Variants in ACSL5 observed in about 807,000 individuals in gnomAD.
The protein encoded by ACSL5 is acyl-CoA synthetase long chain family member 5, also known as long-chain-fatty-acid--CoA ligase 5.
In ACSL5, 50 loss-of-function variants were observed where a neutral mutation model predicts 84.9. The ratio of observed to expected loss-of-function variants is 0.59; its 90% CI spans 0.47 to 0.75. ACSL5 has a LOEUF of 0.75. ACSL5 is among the 30% of genes least tolerant of loss of function. The probability of loss-of-function intolerance (pLI) is 0.00; values close to 1 mark genes in which losing one functional copy is unlikely to be tolerated. For missense variants in ACSL5, 775 were observed against 830.4 expected (o/e 0.93, Z 0.82); for synonymous variants, 280 against 300.7 (o/e 0.93, Z 0.71).
chr10:112,427,278 A>C lies in ACSL5; in HGVS notation c.1972A>C (p.Thr658Pro), dbSNP rs1485352951. The change falls in exon 21 of 21, where the codon ACA becomes CCA. Residue 658 changes from threonine (T) to proline (P), a missense_variant. Transcript: ENST00000354655. ...FSIENGLLTP[T>P]LKAKRGELSK... ...CATTGAAAATGGGCTCTTGACACCA[A>C]CATTGAAAGCAAAGCGAGGAGAGCT... The C allele has an allele frequency of 1.2e-5, 19 of 1,613,766 alleles. No homozygotes were observed. The highest frequency in any genetic ancestry group is 1.5e-5 in the Non-Finnish European group (18 of 1,179,932).
chr10:112,392,740 C>A (rs1173463989), intron 1 of ACSL5, among the ~76,000 whole-genome samples: 197 of 116,860 alleles, frequency 1.7e-3, no homozygotes, highest in African/African-American at 1.8e-3. Context: ...GATTCTGTCT[C>A]AAAAAAAAAA....
chr10:112,426,170 A>G, intron 18 of ACSL5, 88 bp from the exon 19 acceptor site: 1 of 1,021,606 alleles, frequency 9.8e-7, no homozygotes, highest in Non-Finnish European at 1.5e-6. Flanking sequence ...AACTATTACA[A>G]TGACATAATT....
chr10:112,395,254 C>A (rs1843721696), intron 2 of ACSL5, 152 bp downstream of exon 2: 1 of 754,444 alleles, frequency 1.3e-6, no homozygotes, highest in Non-Finnish European at 2.1e-6. Context: ...CAAATTTAAA[C>A]TTCTATTACT....
chr10:112,398,328 G>A (rs1843792799), intron 2 of ACSL5, among the ~76,000 whole-genome samples: 1 of 1,760 alleles, frequency 5.7e-4, no homozygotes, highest in Non-Finnish European at 1.7e-3. Context: ...GCCTCCCAAA[G>A]TGCTGGGATT....
intron 3 of ACSL5, among the ~76,000 whole-genome samples, chr10:112,401,819 T>TCTTTCTTTCTTTCTTTCTTTCTTTCTTC (rs1564736396): frequency 1.8e-5 from 2 of 109,316 alleles, no homozygotes; most frequent in Non-Finnish European, 4.1e-5. Flanking sequence ...TTTCTTTCTT[T>TCTTTCTTTCTTTCTTTCTTTCTTTCTTC]CTTTCTTTCT....
At position 112,375,950 on chromosome 10, in the gene ACSL5, G is replaced by A. The variant is rs182498580; in HGVS notation, c.-30+1681G>A. Among the ~76,000 whole-genome samples the A allele has an allele frequency of 7.7e-4, 117 of 152,318 alleles. 1 individual carries two copies. Among genetic ancestry groups the A allele is most frequent in the Admixed American group, 2.0e-4 (3 of 15,298 alleles). On this transcript the variant is annotated intron_variant, in intron 1 of 20. Coordinates refer to ENST00000354655, the MANE Select transcript of ACSL5 (RefSeq NM_203379.2). Reference sequence around the variant, plus strand: ...TCCTCCGAATCCAGCAGGGAACAGCGTCACCTCTGCCTCTGTGAGGCTTCT... The same window carrying A: ...TCCTCCGAATCCAGCAGGGAACAGCATCACCTCTGCCTCTGTGAGGCTTCT...
intron 3 of ACSL5, among the ~76,000 whole-genome samples, chr10:112,402,690 C>G (rs4918749): frequency 6.6e-6 from 1 of 152,122 alleles, no homozygotes; most frequent in Non-Finnish European, 1.5e-5. Context: ...TCCTTTTTTT[C>G]CCATCTCTTA....
intron 1 of ACSL5, among the ~76,000 whole-genome samples, chr10:112,377,343 C>T (rs1309678977): frequency 6.6e-6 from 1 of 152,180 alleles, no homozygotes; most frequent in Non-Finnish European, 1.5e-5. Flanking sequence ...AGTTAGAAAC[C>T]AGCCTGGCCA....
rs1331023904 is a variant in ACSL5, at chr10:112,394,964, CT to C, written c.23del (p.Leu8CysfsTer10). ...TCACAAAGATGCTTTTTATCTTTAA[CT>C]TTTTGTTTTCCCCACTTCCGACCCC... The part of the protein sequence containing the change: MLFIFN[F>X]LFSPLPTPAL... On this transcript the variant is annotated frameshift_variant, in exon 2 of 21. Transcript: ENST00000354655. LOFTEE classifies it high-confidence loss of function. 6.2e-7 allele frequency: 1 copy of C among 1,613,470 alleles called. No individual in the cohort carries two copies. The highest frequency in any genetic ancestry group is 1.7e-5 in the Admixed American group (1 of 59,966).
intron 14 of ACSL5, 29 bp downstream of exon 14, chr10:112,417,970 G>C: frequency 6.5e-7 from 1 of 1,527,800 alleles, no homozygotes; most frequent in Non-Finnish European, 8.9e-7. Flanking sequence ...TTGAGAATAG[G>C]CTATTTTACT....
At chr10:112,426,689 C>T (rs1844733462) in intron 19 of ACSL5, 99 bp from the exon 20 acceptor site, 2 of 1,042,948 alleles carry the variant, frequency 1.9e-6, no homozygotes, top group Admixed American at 1.8e-5. Flanking sequence ...TTCCTGCTTT[C>T]ATACTGCATG....
chr10:112,413,810 C>A (rs1453193065), intron 12 of ACSL5, among the ~76,000 whole-genome samples: 1 of 152,146 alleles, frequency 6.6e-6, no homozygotes, highest in East Asian at 1.9e-4. Context: ...TGGACCTGAT[C>A]TGAAGAAAGC....
At chr10:112,383,367 T>C (rs1849388153) in intron 1 of ACSL5, among the ~76,000 whole-genome samples, 1 of 152,272 alleles carries the variant, frequency 6.6e-6, no homozygotes, top group South Asian at 2.1e-4. Context: ...ATGGCTATTA[T>C]AAGACAATGG....
intron 17 of ACSL5, among the ~76,000 whole-genome samples, chr10:112,422,708 T>C (rs1844498277): frequency 6.6e-6 from 1 of 151,548 alleles, no homozygotes; most frequent in African/African-American, 2.4e-5. Flanking sequence ...ATACAAAAAT[T>C]AGCTGGGCAT....
chr10:112,382,989 C>T (rs1174368224), intron 1 of ACSL5, among the ~76,000 whole-genome samples: 2 of 152,230 alleles, frequency 1.3e-5, no homozygotes, highest in Non-Finnish European at 2.9e-5. Context: ...ACCTTCCCCA[C>T]TGGGTGCCAT....
intron 3 of ACSL5, 135 bp from the exon 4 acceptor site, chr10:112,404,376 C>G: frequency 1.5e-6 from 1 of 655,844 alleles, no homozygotes; most frequent in South Asian, 2.0e-5. Context: ...TTTGAATTTC[C>G]TGGACATATA....
At chr10:112,401,851 CCTTCCTTT>C (rs1236675769) in intron 3 of ACSL5, among the ~76,000 whole-genome samples, 2,766 of 108,002 alleles carry the variant, frequency 0.026, 37 homozygotes, top group Middle Eastern at 0.053. Flanking sequence ...TTCCTTCCTT[CCTTCCTTT>C]CTTTCTTTCT....
chr10:112,420,258 T>C (rs1159731836), intron 14 of ACSL5, among the ~76,000 whole-genome samples: 2 of 152,148 alleles, frequency 1.3e-5, no homozygotes, highest in African/African-American at 4.8e-5. Flanking sequence ...CACCCCCCAT[T>C]GCAGCAGCCC....
rs753823849 is a variant in ACSL5 at position 112,409,493 on chromosome 10, A to G, written c.533-14A>G. 3.1e-6 allele frequency: 5 copies of G among 1,611,916 alleles called. No homozygotes were observed. In the Admixed American group the frequency reaches 5.0e-5, roughly 16 times the overall value. Reference sequence around the variant, plus strand: ...GAGAGAGGGAATGACCTCTGGTTCTATTTTGGCTTCCAGCTGATATCGCCA... The same window carrying G: ...GAGAGAGGGAATGACCTCTGGTTCTGTTTTGGCTTCCAGCTGATATCGCCA... On this transcript the variant is annotated splice_polypyrimidine_tract_variant and intron_variant, in intron 6 of 20. Transcript: ENST00000354655.
Sources: gnomAD v4.1 joint callset for allele counts (sites outside exome capture counted in the v4.1 genomes callset) on GRCh38, gnomAD v4.1.1 for gene constraint, MANE v1.5 for transcripts, NCBI Gene and HGNC (gene_info 2026-07-23, HGNC 2026-07-21) for gene names.